Variants in RIF1 observed in about 807,000 individuals in gnomAD.
RIF1 encodes replication timing regulatory factor 1.
RIF1 carries 45 observed loss-of-function variants against 247.1 expected under a neutral mutation model. The ratio of observed to expected loss-of-function variants is 0.18; its 90% CI spans 0.14 to 0.23. The LOEUF (loss-of-function observed/expected upper bound fraction) is 0.23. Among genes scored for constraint, RIF1 ranks in the 10% least tolerant of loss-of-function variants. The probability of loss-of-function intolerance (pLI) is 1.00; values close to 1 mark genes in which losing one functional copy is unlikely to be tolerated. For missense variants in RIF1, 2,967 were observed against 2,862.5 expected (o/e 1.04, Z -0.83); for synonymous variants, 1,087 against 978.8 (o/e 1.11, Z -2.06).
At chr2:151,450,561 C>G (rs1264956245) in intron 20 of RIF1, among the ~76,000 whole-genome samples, 1 of 151,776 alleles carries the variant, frequency 6.6e-6, no homozygotes, top group East Asian at 1.9e-4. Context: ...TCAAATGTGT[C>G]TTTAAAAACA....
In RIF1 at chr2:151,436,917, T is replaced by C. The variant is rs529767050; in HGVS notation, c.1286T>C (p.Leu429Pro). ...GGMATIPSIQ[L>P]LGLEMLLHFL... ...ATGGCCACAATCCCATCCATTCAAC[T>C]TTTGGGACTTGAAATGTTGCTTCAT... The change falls in exon 12 of 36, where the codon CTT becomes CCT. Residue 429 changes from leucine (L) to proline (P), a missense_variant. Leu to Pro is a moderately conservative substitution (Grantham distance 98, BLOSUM62 -3). Around this residue, in one of 7 missense-constraint regions of RIF1, gnomAD observed 369 missense variants for 322.0 expected, o/e 1.15. Coordinates refer to ENST00000444746, the MANE Select transcript of RIF1 (RefSeq NM_018151.5). 4.3e-6 allele frequency: 7 copies of C among 1,614,064 alleles called. No individual in the cohort carries two copies. The East Asian group carries it at 1.1e-4, about 26-fold the overall frequency.
chr2:151,501,362 A>G, intron 11 of RIF1: 1 of 1,353,040 alleles, frequency 7.4e-7, no homozygotes, highest in Non-Finnish European at 1.0e-6. Context: ...ATTTTTTAAT[A>G]TGGAGTTAAA....
At chr2:151,519,487 A>G in the RIF1 span, among the ~76,000 whole-genome samples, 78 of 152,306 alleles carry the variant, frequency 5.1e-4, no homozygotes, top group Middle Eastern at 3.4e-3. Flanking sequence ...GAGGGAATGG[A>G]GAGTTTTTGC....
At chr2:151,448,931 G>A (rs1693782806) in intron 20 of RIF1, among the ~76,000 whole-genome samples, 2 of 152,158 alleles carry the variant, frequency 1.3e-5, no homozygotes, top group South Asian at 4.1e-4. Context: ...GAAGAAACTT[G>A]GAGTCTGTCA....
At position 151,506,127 on chromosome 2, in the gene RIF1, A is replaced by T. The variant is rs376507321; in HGVS notation, c.*862-83A>T. ...TAGGTCATTGTAAATTATCAAAGGG[A>T]GGCAGAAAATATTGCAAGTGCATTC... On this transcript the variant is annotated intron_variant and NMD_transcript_variant, in intron 12 of 13. Coordinates refer to the RIF1 transcript ENST00000454583. 3.3e-5 allele frequency: 50 copies of T among 1,499,150 alleles called. No homozygotes were observed. In the African/African-American group the frequency reaches 6.5e-4, roughly 19 times the overall value. 92.9% of individuals were successfully genotyped at this position (1,499,150 alleles called of 1,614,324 possible).
Position 151,456,671 on chromosome 2 carries a change from T to TA in RIF1, c.2652+52dup, listed in dbSNP as rs757580136. 5.8e-6 allele frequency: 6 copies of TA among 1,040,228 alleles called. No individual in the cohort carries two copies. The South Asian group carries it at 5.8e-5, about 10-fold the overall frequency. 64.4% of individuals were successfully genotyped at this position (1,040,228 alleles called of 1,614,324 possible). ...CCATACTTTCATGATGAGAAAATGA[T>TA]AGAGTTTAGATAATTTTCTTAAACA... On this transcript the variant is annotated intron_variant, in intron 23 of 35. Transcript: ENST00000444746.
chr2:151,421,784 A>G (rs575935924), intron 7 of RIF1, among the ~76,000 whole-genome samples: 1 of 152,106 alleles, frequency 6.6e-6, no homozygotes, highest in African/African-American at 2.4e-5. Context: ...CAGTAACTCG[A>G]GTGTCTCATA....
chr2:151,463,235 C>G lies in RIF1; in HGVS notation c.3715C>G (p.Pro1239Ala), dbSNP rs568925580. ...GSENRPFSPS[P>A]LNNISSTVTV... ...AGAAAATAGACCTTTTAGTCCATCC[C>G]CCTTGAATAATATTTCATCAACTGT... Residue 1239 changes from proline to alanine, a missense_variant, in exon 30 of 36, where the codon CCC becomes GCC. By Grantham distance (27) the Pro-to-Ala change is conservative (BLOSUM62 -1). Around this residue, in one of 7 missense-constraint regions of RIF1, gnomAD observed 2,028 missense variants for 1,825.6 expected, o/e 1.11. Coordinates refer to ENST00000444746, the MANE Select transcript of RIF1 (RefSeq NM_018151.5). 8.1e-6 allele frequency: 13 copies of G among 1,613,616 alleles called. No homozygotes were observed. The highest frequency in any genetic ancestry group is 1.0e-5 in the Non-Finnish European group (12 of 1,179,878).
chr2:151,445,010 C>T (rs1481317486), intron 18 of RIF1, among the ~76,000 whole-genome samples: 1 of 152,132 alleles, frequency 6.6e-6, no homozygotes, highest in African/African-American at 2.4e-5. Context: ...CCTTGACCTT[C>T]CTTGGGTTGT....
At chr2:151,468,313 A>G (rs1463180204) in intron 31 of RIF1, among the ~76,000 whole-genome samples, 161 bp from the exon 32 acceptor site, 2 of 152,194 alleles carry the variant, frequency 1.3e-5, no homozygotes, top group African/African-American at 4.8e-5. Flanking sequence ...CAGAAAGGTA[A>G]GAGGCAGTAA....
intron 9 of RIF1, chr2:151,493,397 G>C: frequency 2.5e-6 from 4 of 1,611,124 alleles, no homozygotes; most frequent in Non-Finnish European, 3.4e-6. Flanking sequence ...TCCATCTCTG[G>C]AGTAACAGGT....
At position 151,497,725 on chromosome 2, in the gene RIF1, G is replaced by A. The variant is rs113048349; in HGVS notation, c.*514-1620G>A. 18,042 of 1,567,582 alleles carry A rather than the reference G, an allele frequency of 0.012. 141 individuals are homozygous for A. The highest frequency in any genetic ancestry group is 0.013 in the Middle Eastern group (78 of 6,004). ...TGTTTTCTTTGTATAACACCTGTGC[G>A]ATAAGAAAGCATCCAGAAAAACAAC... On this transcript the variant is annotated intron_variant and NMD_transcript_variant, in intron 10 of 13. Coordinates refer to the RIF1 transcript ENST00000454583.
In RIF1 at chr2:151,475,451, T is replaced by G. The variant is rs550203060; in HGVS notation, c.*380T>G. On this transcript the variant is annotated 3_prime_UTR_variant, in exon 36 of 36. Transcript: ENST00000444746. ...TGAACATTTTTATTTGAATTTTTGC[T>G]GAACTGATAAAGGTGTTTATATTTT... 5 of 217,646 alleles carry G rather than the reference T, an allele frequency of 2.3e-5. No homozygotes were observed. In the Admixed American group the frequency reaches 2.6e-4, roughly 12 times the overall value. 13.5% of individuals were successfully genotyped at this position (217,646 alleles called of 1,614,324 possible).
At chr2:151,496,805 G>T (rs184819403) in intron 10 of RIF1, 2 of 1,152,796 alleles carry the variant, frequency 1.7e-6, no homozygotes, top group Admixed American at 5.0e-5. Flanking sequence ...TAGCCCAAAG[G>T]AAAAAAGGAT....
At position 151,468,530 on chromosome 2, in the gene RIF1, T is replaced by A; in HGVS notation, c.6804T>A (p.Phe2268Leu). Residue 2268 changes from phenylalanine to leucine, a missense_variant, in exon 32 of 36, where the codon TTT (phenylalanine) becomes TTA (leucine). By Grantham distance (22) the Phe-to-Leu change is conservative. Coordinates refer to ENST00000444746, the MANE Select transcript of RIF1 (RefSeq NM_018151.5). ...FLSPGSRSPKFKSSKKCLISE... is the reference protein window; with the variant it reads ...FLSPGSRSPKLKSSKKCLISE... ...CCCCAGGATCACGTAGCCCTAAATT[T>A]AAGAGCTCAAAGAAGTGTTTAGTAA... 6.2e-7 allele frequency: 1 copy of A among 1,613,574 alleles called. No individual in the cohort carries two copies. Among genetic ancestry groups the A allele is most frequent in the Non-Finnish European group, 8.5e-7 (1 of 1,179,480 alleles).
In RIF1 at chr2:151,463,626, A is replaced by C; in HGVS notation, c.4106A>C (p.Glu1369Ala). 6.2e-7 allele frequency: 1 copy of C among 1,613,382 alleles called. No individual in the cohort carries two copies. The highest frequency in any genetic ancestry group is 1.7e-5 in the Admixed American group (1 of 60,024). Reference sequence around the variant, plus strand: ...ACAGTGGAAAATGCTGTATTATTGGAAACTAATACTGTAGAGGAGAAAAAT... The same window carrying C: ...ACAGTGGAAAATGCTGTATTATTGGCAACTAATACTGTAGAGGAGAAAAAT... ...AATVENAVLLETNTVEEKNVE... is the reference protein window; with the variant it reads ...AATVENAVLLATNTVEEKNVE... Residue 1369 changes from glutamate to alanine, a missense_variant, in exon 30 of 36, where the codon GAA becomes GCA. By Grantham distance (107) the Glu-to-Ala change is moderately radical (BLOSUM62 -1). Transcript: ENST00000444746.
rs1010399658 is a variant in RIF1 at position 151,481,362 on chromosome 2, T to C, written c.*6291T>C. The C allele has an allele frequency of 2.0e-5, 3 of 152,238 alleles. No homozygotes were observed. The highest frequency in any genetic ancestry group is 4.4e-5 in the Non-Finnish European group (3 of 68,040). 9.4% of individuals were successfully genotyped at this position (152,238 alleles called of 1,614,324 possible). On this transcript the variant is annotated 3_prime_UTR_variant, in exon 36 of 36. Transcript: ENST00000444746. ...CTAGGAAACACTACTACTTTATAAG[T>C]ACACTTCTTTTTCCTACTTAAACTC... is the stretch of plus-strand genomic sequence containing the variant.
chr2:151,491,865 G>T, intron 9 of RIF1: 1 of 1,112,562 alleles, frequency 9.0e-7, no homozygotes, highest in Non-Finnish European at 1.3e-6. Context: ...ACCACCAAAG[G>T]ATTGAATCAC....
rs369431913 is a variant in RIF1 at position 151,464,819 on chromosome 2, G to T, written c.5299G>T (p.Val1767Leu). The T allele has an allele frequency of 3.1e-6, 5 of 1,613,760 alleles. No individual in the cohort carries two copies. In the East Asian group the frequency reaches 1.1e-4, roughly 36 times the overall value. ...GATTAGTGAAACAAAAAAGGCAGAT[G>T]TGCAAGCACCTGTAAGCCCATCAGA... is the stretch of plus-strand genomic sequence containing the variant. The part of the protein sequence containing the change: ...VEISETKKAD[V>L]QAPVSPSETS... The change falls in exon 30 of 36, where the codon GTG becomes TTG. Residue 1767 changes from valine to leucine, a missense_variant. Val to Leu is a conservative substitution (Grantham distance 32). Coordinates refer to ENST00000444746, the MANE Select transcript of RIF1 (RefSeq NM_018151.5).
Sources: allele counts gnomAD v4.1 joint callset (sites outside exome capture counted in the v4.1 genomes callset), GRCh38; gene constraint gnomAD v4.1.1; regional missense constraint gnomAD v4.1.1; transcripts MANE v1.5; gene names NCBI Gene and HGNC (gene_info 2026-07-23, HGNC 2026-07-21).